The following PTK2 variants were observed in gnomAD, a reference collection of about 807,000 sequenced individuals.
PTK2 encodes focal adhesion kinase 1.
PTK2 carries 45 observed loss-of-function variants against 150.1 expected under a neutral mutation model. That is an observed-to-expected ratio of 0.30 (90% CI 0.24 to 0.38). The LOEUF (loss-of-function observed/expected upper bound fraction) is 0.38, where lower values mean the gene tolerates loss of function less well. Ranked by LOEUF, PTK2 falls within the 10% of genes least tolerant of loss-of-function variation. PTK2 has a pLI of 1.00. For synonymous variants in PTK2, 432 were observed against 449.2 expected (o/e 0.96, Z 0.48); for missense variants, 919 against 1,307.3 (o/e 0.70, Z 4.58).
intron 17 of PTK2, among the ~76,000 whole-genome samples, chr8:140,751,196 T>A (rs1435832302): frequency 2.6e-5 from 4 of 152,058 alleles, no homozygotes. Context: ...GGAGACAGGG[T>A]CTCATTCAGT....
At chr8:140,934,851 A>ATC (rs1367873421) in intron 1 of PTK2, among the ~76,000 whole-genome samples, 1 of 152,152 alleles carries the variant, frequency 6.6e-6, no homozygotes, top group Non-Finnish European at 1.5e-5. Context: ...CTCTCTATTG[A>ATC]TCTCTCTCTA....
chr8:140,849,910 G>C (rs1050557292), intron 5 of PTK2, among the ~76,000 whole-genome samples: 3 of 152,150 alleles, frequency 2.0e-5, no homozygotes, highest in African/African-American at 7.2e-5. Flanking sequence ...CTCTTTCACA[G>C]TGCAGTCATT....
intron 1 of PTK2, among the ~76,000 whole-genome samples, chr8:140,986,405 A>G (rs1191037550): frequency 6.6e-6 from 1 of 152,266 alleles, no homozygotes. Context: ...TATGGACAGA[A>G]TATTTTTATA....
chr8:140,890,353 C>A, intron 3 of PTK2, 190 bp downstream of exon 3: 1 of 466,732 alleles, frequency 2.1e-6, no homozygotes, highest in Non-Finnish European at 3.7e-6. Context: ...TTCTAAGAAA[C>A]TTTACAACAA....
chr8:140,789,656 G>A, intron 13 of PTK2, 130 bp from the exon 14 acceptor site: 1 of 760,522 alleles, frequency 1.3e-6, no homozygotes, highest in Non-Finnish European at 2.2e-6. Flanking sequence ...TTTAAAAATT[G>A]GATTCTACTA....
intron 14 of PTK2, among the ~76,000 whole-genome samples, chr8:140,781,303 T>A (rs1024158592): frequency 1.7e-4 from 26 of 152,336 alleles, no homozygotes; most frequent in African/African-American, 3.6e-4. Flanking sequence ...TATATTTTTT[T>A]AAAAAGATTG....
chr8:140,849,722 A>G (rs2100127968), intron 5 of PTK2, among the ~76,000 whole-genome samples: 1 of 152,236 alleles, frequency 6.6e-6, no homozygotes, highest in African/African-American at 2.4e-5. Flanking sequence ...TACGCTAAGC[A>G]TTTTACGTAT....
intron 15 of PTK2, 31 bp from the exon 19 acceptor site, chr8:140,761,293 A>T: frequency 6.8e-7 from 1 of 1,471,622 alleles, no homozygotes; most frequent in Non-Finnish European, 9.5e-7. Context: ...ATCAATACTT[A>T]AGTAAAATAT....
intron 1 of PTK2, among the ~76,000 whole-genome samples, chr8:140,983,503 T>C (rs1175288903): frequency 1.3e-5 from 2 of 152,212 alleles, no homozygotes; most frequent in East Asian, 3.8e-4. Context: ...CAAGTCCTTG[T>C]TGAAGCCCCA....
intron 2 of PTK2, among the ~76,000 whole-genome samples, chr8:140,925,091 T>C (rs1378822986): frequency 3.9e-5 from 6 of 152,010 alleles, no homozygotes; most frequent in African/African-American, 1.4e-4. Flanking sequence ...AATACCAGCC[T>C]AACTTTCACA....
At chr8:140,682,039 G>A (rs2100017293) in intron 27 of PTK2, among the ~76,000 whole-genome samples, 1 of 152,080 alleles carries the variant, frequency 6.6e-6, no homozygotes, top group South Asian at 2.1e-4. Flanking sequence ...AGAATTTCAG[G>A]CATTCTCCCC....
intron 4 of PTK2, among the ~76,000 whole-genome samples, chr8:140,866,338 A>G (rs1386070158): frequency 6.6e-6 from 1 of 152,232 alleles, no homozygotes; most frequent in Non-Finnish European, 1.5e-5. Context: ...GCCTGGCTCC[A>G]CATCCATTCT....
chr8:140,755,050 G>C (rs1258487022), intron 16 of PTK2, among the ~76,000 whole-genome samples: 3 of 152,330 alleles, frequency 2.0e-5, no homozygotes, highest in African/African-American at 7.2e-5. Flanking sequence ...GACAAGGGAT[G>C]CAAGATTAGG....
intron 26 of PTK2, 179 bp downstream of exon 29, chr8:140,700,712 G>T: frequency 1.7e-6 from 1 of 604,996 alleles, no homozygotes; most frequent in Non-Finnish European, 2.6e-6. Context: ...CTGACCTCAG[G>T]TGATCTGCTT....
chr8:140,697,428 G>A (rs1590856573), intron 26 of PTK2, among the ~76,000 whole-genome samples: 1 of 149,826 alleles, frequency 6.7e-6, no homozygotes, highest in Admixed American at 6.6e-5. Context: ...GTGTGTGTGT[G>A]TGTGTGTGTG....
chr8:140,763,885 G>T (rs548445927), intron 15 of PTK2, among the ~76,000 whole-genome samples: 2 of 152,050 alleles, frequency 1.3e-5, no homozygotes, highest in African/African-American at 4.8e-5. Context: ...TATATATATT[G>T]TGTGTGTATA....
chr8:140,736,013 T>C (rs529920212), intron 21 of PTK2, among the ~76,000 whole-genome samples: 1 of 152,328 alleles, frequency 6.6e-6, no homozygotes, highest in African/African-American at 2.4e-5. Context: ...TGGAACTTCT[T>C]TGGGCTTCAA....
At chr8:140,671,890 C>A (rs2095537646) in intron 29 of PTK2, among the ~76,000 whole-genome samples, 1 of 145,792 alleles carries the variant, frequency 6.9e-6, no homozygotes. Flanking sequence ...CAAGATCGCA[C>A]CACTGCACTC....
At chr8:140,817,444 CTA>C (rs1276332044) in intron 10 of PTK2, among the ~76,000 whole-genome samples, 1 of 152,110 alleles carries the variant, frequency 6.6e-6, no homozygotes, top group African/African-American at 2.4e-5. Flanking sequence ...AATCACTACA[CTA>C]TGTTAAGTGG....
Sources: gnomAD v4.1 joint callset for allele counts (sites outside exome capture counted in the v4.1 genomes callset) on GRCh38, gnomAD v4.1.1 for gene constraint, MANE v1.5 for transcripts, NCBI Gene and HGNC (gene_info 2026-07-23, HGNC 2026-07-21) for gene names.